The following HHAT variants were observed in gnomAD, a reference collection of about 807,000 sequenced individuals.
HHAT encodes protein-cysteine N-palmitoyltransferase HHAT.
In HHAT, 47 loss-of-function variants were observed where a neutral mutation model predicts 70.8. The ratio of observed to expected loss-of-function variants is 0.66; its 90% confidence interval spans 0.53 to 0.85. HHAT has a LOEUF of 0.85. HHAT is among the 40% of genes least tolerant of loss of function. The pLI is 0.00. For synonymous variants in HHAT, 228 were observed against 247.6 expected, an observed-to-expected ratio of 0.92 and a Z score of 0.74; for missense variants, 609 against 604.8, an observed-to-expected ratio of 1.01 and a Z score of -0.07.
At chr1:210,627,081 G>A (rs915332861) in intron 11 of HHAT, among the ~76,000 whole-genome samples, 1 of 152,184 alleles carries the variant, frequency 6.6e-6, no homozygotes, top group East Asian at 1.9e-4. Flanking sequence ...TAAGGGAAAG[G>A]TGGCCCTTCC....
At chr1:210,387,219 G>T (rs2091142039) in intron 3 of HHAT, among the ~76,000 whole-genome samples, 1 of 152,174 alleles carries the variant, frequency 6.6e-6, no homozygotes, top group Non-Finnish European at 1.5e-5. Context: ...AGTCCGAGGT[G>T]CATTTGGGGA....
intron 9 of HHAT, among the ~76,000 whole-genome samples, chr1:210,571,048 G>A (rs1026655977): frequency 9.9e-5 from 15 of 152,158 alleles, no homozygotes; most frequent in South Asian, 2.1e-4. Flanking sequence ...TCCTGGCCTC[G>A]GCCGTCGAAT....
At chr1:210,457,937 A>G (rs2093903049) in intron 7 of HHAT, among the ~76,000 whole-genome samples, 1 of 152,194 alleles carries the variant, frequency 6.6e-6, no homozygotes, top group African/African-American at 2.4e-5. Context: ...GGCAGACAAT[A>G]TCAGCAAGTA....
intron 3 of HHAT, among the ~76,000 whole-genome samples, chr1:210,385,127 C>CT (rs3841791): frequency 0.25 from 37,637 of 151,874 alleles, 4,917 homozygotes; most frequent in Non-Finnish European, 0.29. Flanking sequence ...GTATTATATC[C>CT]TTTTTTCCAC....
chr1:210,608,048 A>G (rs1400848796), intron 10 of HHAT, among the ~76,000 whole-genome samples: 1 of 152,222 alleles, frequency 6.6e-6, no homozygotes, highest in Non-Finnish European at 1.5e-5. Context: ...CAGGAATGAT[A>G]TGGATGGTAT....
rs112042290 is a variant in HHAT at position 210,615,399 on chromosome 1, C to T, written c.1246-8127C>T. On this transcript the variant is annotated intron_variant, in intron 10 of 11. Coordinates refer to ENST00000261458, the MANE Select transcript of HHAT (RefSeq NM_018194.6). ...TGGGTTCGAACTTCCTCCTTTAGCTCGGAGAAGTTTGATCGTCTGAAGCCT... is the reference window on the plus strand; with the variant it reads ...TGGGTTCGAACTTCCTCCTTTAGCTTGGAGAAGTTTGATCGTCTGAAGCCT... Among the ~76,000 whole-genome samples the T allele has an allele frequency of 1.4e-3, 211 of 152,288 alleles. 2 individuals are homozygous for T. Among genetic ancestry groups the T allele is most frequent in the African/African-American group, 4.2e-3 (175 of 41,568 alleles).
chr1:210,673,177 T>C (rs1027621334), intron 11 of HHAT, among the ~76,000 whole-genome samples: 7 of 152,140 alleles, frequency 4.6e-5, no homozygotes, highest in Non-Finnish European at 1.0e-4. Flanking sequence ...TCCTGTCTCA[T>C]TGCCAAGGAC....
chr1:210,428,663 A>G (rs1475420912), intron 7 of HHAT, among the ~76,000 whole-genome samples: 5 of 151,586 alleles, frequency 3.3e-5, no homozygotes, highest in Non-Finnish European at 5.9e-5. Context: ...TCTGTTTCTT[A>G]TAAACTAAAA....
At chr1:210,441,596 A>AC (rs2148359370) in intron 7 of HHAT, among the ~76,000 whole-genome samples, 1 of 152,312 alleles carries the variant, frequency 6.6e-6, no homozygotes, top group South Asian at 2.1e-4. Flanking sequence ...CCTATGGCTC[A>AC]CCAAAGATAT....
chr1:210,407,484 G>A (rs1016330329), intron 6 of HHAT, among the ~76,000 whole-genome samples: 2 of 152,198 alleles, frequency 1.3e-5, no homozygotes, highest in African/African-American at 4.8e-5. Context: ...AAGATCAAAT[G>A]ACAATGTTAG....
intron 11 of HHAT, among the ~76,000 whole-genome samples, chr1:210,637,875 G>GT (rs1372666887): frequency 1.3e-4 from 19 of 150,864 alleles, no homozygotes; most frequent in Non-Finnish European, 2.2e-4. Flanking sequence ...AAAAAAAGGG[G>GT]GGGGCAAAGG....
At chr1:210,519,935 T>C (rs1485697639) in intron 9 of HHAT, among the ~76,000 whole-genome samples, 2 of 152,028 alleles carry the variant, frequency 1.3e-5, no homozygotes, top group Non-Finnish European at 2.9e-5. Flanking sequence ...ATGTTGAGTA[T>C]CTTTTCATAT....
At chr1:210,591,456 A>C (rs1367408531) in intron 10 of HHAT, among the ~76,000 whole-genome samples, 2 of 152,118 alleles carry the variant, frequency 1.3e-5, no homozygotes, top group African/African-American at 4.8e-5. Context: ...TTTGATGGAC[A>C]CTCAGGTTGC....
chr1:210,536,243 CAG>C (rs1354214047), intron 9 of HHAT, among the ~76,000 whole-genome samples: 1 of 152,244 alleles, frequency 6.6e-6, no homozygotes, highest in African/African-American at 2.4e-5. Flanking sequence ...TTCTAGCACA[CAG>C]AATTTTACCA....
chr1:210,606,033 T>A (rs951911931), intron 10 of HHAT, among the ~76,000 whole-genome samples: 3 of 152,036 alleles, frequency 2.0e-5, no homozygotes, highest in Non-Finnish European at 2.9e-5. Context: ...TTTTTTTTTA[T>A]TTTTAGTAGA....
chr1:210,398,630 C>G (rs985769635), intron 4 of HHAT, among the ~76,000 whole-genome samples: 3 of 152,156 alleles, frequency 2.0e-5, no homozygotes, highest in African/African-American at 7.2e-5. Flanking sequence ...AGGCTTTTTC[C>G]AAAGGGATCA....
chr1:210,608,314 T>C (rs1665928579), intron 10 of HHAT, among the ~76,000 whole-genome samples: 1 of 152,212 alleles, frequency 6.6e-6, no homozygotes, highest in African/African-American at 2.4e-5. Flanking sequence ...TAAAATTGTA[T>C]TATTGAATAC....
At chr1:210,435,817 T>C (rs2093362022) in intron 7 of HHAT, among the ~76,000 whole-genome samples, 1 of 151,664 alleles carries the variant, frequency 6.6e-6, no homozygotes, top group Non-Finnish European at 1.5e-5. Flanking sequence ...GGATTCTTTC[T>C]TTTTTTTGCT....
chr1:210,386,230 C>CTTTCTTTTTTTTTTTTTT (rs1324452281), intron 3 of HHAT, among the ~76,000 whole-genome samples: 1,023 of 69,892 alleles, frequency 0.015, 165 homozygotes, highest in Admixed American at 0.023. Context: ...TTCTTTTTTT[C>CTTTCTTTTTTTTTTTTTT]TTTTTTTTTT....
Sources: allele counts gnomAD v4.1 joint callset (sites outside exome capture counted in the v4.1 genomes callset), GRCh38; gene constraint gnomAD v4.1.1; transcripts MANE v1.5; gene names NCBI Gene and HGNC (gene_info 2026-07-23, HGNC 2026-07-21).